Variants in UNC5D observed in about 807,000 individuals in gnomAD.
The protein encoded by UNC5D is netrin receptor UNC5D.
UNC5D carries 39 observed loss-of-function variants against 105.4 expected under a neutral mutation model. The ratio of observed to expected loss-of-function variants is 0.37; its 90% CI spans 0.29 to 0.48. The LOEUF (loss-of-function observed/expected upper bound fraction) is 0.48, where lower values mean the gene tolerates loss of function less well. Ranked by LOEUF, UNC5D falls within the 20% of genes least tolerant of loss-of-function variation. UNC5D has a pLI of 0.98. For synonymous variants in UNC5D, 452 were observed against 450.4 expected (o/e 1.00, Z -0.04); for missense variants, 991 against 1,202.4 (o/e 0.82, Z 2.60).
At chr8:35,554,904 T>C (rs1314418762) in intron 2 of UNC5D, among the ~76,000 whole-genome samples, 1 of 152,186 alleles carries the variant, frequency 6.6e-6, no homozygotes, top group Non-Finnish European at 1.5e-5. Context: ...TTTAAACAAC[T>C]GGAGTCACTC....
intron 1 of UNC5D, among the ~76,000 whole-genome samples, chr8:35,366,026 C>G (rs1008807351): frequency 3.3e-5 from 5 of 152,056 alleles, no homozygotes; most frequent in African/African-American, 4.8e-5. Flanking sequence ...AATTATAAGA[C>G]ATTTGACAAC....
At chr8:35,601,595 CTGTT>C (rs1819888522) in intron 4 of UNC5D, among the ~76,000 whole-genome samples, 1 of 152,072 alleles carries the variant, frequency 6.6e-6, no homozygotes, top group East Asian at 1.9e-4. Flanking sequence ...ATTTGGCTCT[CTGTT>C]TGTCTGTTAT....
chr8:35,747,054 C>T (rs770656535), intron 11 of UNC5D, among the ~76,000 whole-genome samples: 2 of 152,144 alleles, frequency 1.3e-5, no homozygotes, highest in Non-Finnish European at 2.9e-5. Flanking sequence ...ATCATCTTAA[C>T]CTGTGTTTTG....
chr8:35,515,758 T>C (rs1813057301), intron 1 of UNC5D, among the ~76,000 whole-genome samples: 1 of 152,210 alleles, frequency 6.6e-6, no homozygotes, highest in South Asian at 2.1e-4. Flanking sequence ...AGAATCAATA[T>C]AAAACTATTT....
At chr8:35,754,232 T>C (rs1169412166) in intron 13 of UNC5D, among the ~76,000 whole-genome samples, 2 of 152,196 alleles carry the variant, frequency 1.3e-5, no homozygotes, top group East Asian at 3.9e-4. Flanking sequence ...AAAAGAACCC[T>C]GACTTCTTAA....
intron 4 of UNC5D, among the ~76,000 whole-genome samples, chr8:35,627,319 A>G (rs893762558): frequency 4.1e-4 from 63 of 152,326 alleles, no homozygotes; most frequent in African/African-American, 1.4e-3. Context: ...GGCTTAATTA[A>G]TCTCGTAATT....
chr8:35,302,785 G>T (rs1193975413), intron 1 of UNC5D, among the ~76,000 whole-genome samples: 1 of 152,112 alleles, frequency 6.6e-6, no homozygotes, highest in African/African-American at 2.4e-5. Flanking sequence ...AGATAAGTAT[G>T]CCATCCTCTG....
At chr8:35,580,102 C>T (rs1244796425) in intron 3 of UNC5D, among the ~76,000 whole-genome samples, 1 of 152,070 alleles carries the variant, frequency 6.6e-6, no homozygotes, top group Admixed American at 6.6e-5. Flanking sequence ...GTTTCTGGCT[C>T]AAATTATTCC....
chr8:35,752,302 C>T (rs2131647077), intron 13 of UNC5D, among the ~76,000 whole-genome samples: 1 of 152,268 alleles, frequency 6.6e-6, no homozygotes, highest in Non-Finnish European at 1.5e-5. Context: ...CAGATCCCTG[C>T]TATTCCAGTT....
chr8:35,479,107 TACA>T (rs1810309446), intron 1 of UNC5D, among the ~76,000 whole-genome samples: 1 of 152,194 alleles, frequency 6.6e-6, no homozygotes, highest in African/African-American at 2.4e-5. Context: ...AGTTTGCTCA[TACA>T]GGCTTTGGAG....
intron 1 of UNC5D, among the ~76,000 whole-genome samples, chr8:35,328,449 C>T (rs1209417176): frequency 3.3e-5 from 5 of 152,202 alleles, no homozygotes; most frequent in Middle Eastern, 3.4e-3. Context: ...TTTGGACATT[C>T]ACTTCCTGGA....
chr8:35,288,773 G>C (rs1431193374), intron 1 of UNC5D, among the ~76,000 whole-genome samples: 3 of 152,130 alleles, frequency 2.0e-5, no homozygotes, highest in Non-Finnish European at 4.4e-5. Flanking sequence ...GTTGTTATCA[G>C]CTTAAAGTAG....
intron 1 of UNC5D, among the ~76,000 whole-genome samples, chr8:35,514,217 A>T (rs1457624712): frequency 6.6e-6 from 1 of 152,218 alleles, no homozygotes; most frequent in Non-Finnish European, 1.5e-5. Context: ...TGAGCAGTTC[A>T]TGTGCAACAC....
intron 15 of UNC5D, among the ~76,000 whole-genome samples, chr8:35,774,080 G>C (rs1802128946): frequency 1.3e-5 from 2 of 152,278 alleles, no homozygotes; most frequent in South Asian, 4.1e-4. Flanking sequence ...GAGTGGAAGA[G>C]GCTGTTGTAA....
At chr8:35,568,887 T>C (rs559110630) in intron 3 of UNC5D, among the ~76,000 whole-genome samples, 3 of 152,320 alleles carry the variant, frequency 2.0e-5, no homozygotes, top group Admixed American at 1.3e-4. Flanking sequence ...GGGGCACTTA[T>C]GGGAAAAGTT....
At chr8:35,605,037 C>G (rs1286503691) in intron 4 of UNC5D, among the ~76,000 whole-genome samples, 1 of 152,174 alleles carries the variant, frequency 6.6e-6, no homozygotes, top group Non-Finnish European at 1.5e-5. Context: ...GCCTTCCTCT[C>G]TCAACTCGTT....
intron 11 of UNC5D, among the ~76,000 whole-genome samples, chr8:35,745,066 A>T (rs1818445936): frequency 6.6e-6 from 1 of 152,084 alleles, no homozygotes; most frequent in South Asian, 2.1e-4. Context: ...AAAAAAAAAA[A>T]ATTCCCTAGC....
chr8:35,530,080 A>G (rs1038078559), intron 1 of UNC5D, among the ~76,000 whole-genome samples: 3 of 151,730 alleles, frequency 2.0e-5, no homozygotes, highest in Admixed American at 6.6e-5. Context: ...TTCCAACACT[A>G]TGTTGAATAG....
intron 1 of UNC5D, among the ~76,000 whole-genome samples, chr8:35,431,386 G>A (rs1484078704): frequency 6.6e-6 from 1 of 151,988 alleles, no homozygotes; most frequent in Non-Finnish European, 1.5e-5. Context: ...TTTAATTTAT[G>A]CTTATCATGT....
Sources: allele counts gnomAD v4.1 joint callset (sites outside exome capture counted in the v4.1 genomes callset), GRCh38; gene constraint gnomAD v4.1.1; transcripts MANE v1.5; gene names NCBI Gene and HGNC (gene_info 2026-07-23, HGNC 2026-07-21).